The following DMD variants were observed in gnomAD, a reference collection of about 807,000 sequenced individuals.
DMD encodes dystrophin, also known as mutant dystrophin.
A neutral mutation model predicts 330.1 loss-of-function variants in DMD; 63 were observed. That is an observed-to-expected ratio of 0.19 (90% CI 0.16 to 0.24). The LOEUF is 0.24. DMD is among the 10% of genes least tolerant of loss of function. DMD has a pLI of 1.00. For synonymous variants in DMD, 1,223 were observed against 959.8 expected, an observed-to-expected ratio of 1.27 and a Z score of -5.07; for missense variants, 3,344 against 2,684.1, an observed-to-expected ratio of 1.25 and a Z score of -5.43.
intron 33 of DMD, among the ~76,000 whole-genome samples, chrX:32,381,703 G>A (rs971556807): frequency 3.6e-5 from 4 of 111,395 alleles, no homozygotes; most frequent in African/African-American, 1.3e-4. Flanking sequence ...TTACAAGTTA[G>A]AAAATATAAC....
chrX:32,726,930 G>A (rs1005404650), intron 7 of DMD, among the ~76,000 whole-genome samples: 1 of 110,210 alleles, frequency 9.1e-6, no homozygotes, highest in African/African-American at 3.3e-5. Flanking sequence ...GACGATAAAG[G>A]ACACCAAAAG....
At chrX:33,280,765 GCTCT>G (rs1412137054) in intron 1 of DMD, among the ~76,000 whole-genome samples, 1 of 111,558 alleles carries the variant, frequency 9.0e-6, no homozygotes, top group African/African-American at 3.3e-5. Context: ...CTATTTCTGG[GCTCT>G]CTATTCTGTT....
intron 67 of DMD, among the ~76,000 whole-genome samples, chrX:31,183,668 C>T (rs2041405356): frequency 9.1e-6 from 1 of 110,391 alleles, no homozygotes; most frequent in South Asian, 3.9e-4. Flanking sequence ...TTTTTTCAAC[C>T]CTATAGGATT....
chrX:31,264,797 C>T (rs1304289172), intron 62 of DMD, among the ~76,000 whole-genome samples: 1 of 112,234 alleles, frequency 8.9e-6, no homozygotes, highest in African/African-American at 3.2e-5. Context: ...AATTTCCTAC[C>T]ATACAATTTA....
chrX:33,256,605 A>G (rs1035545745), intron 1 of DMD, among the ~76,000 whole-genome samples: 1 of 110,264 alleles, frequency 9.1e-6, no homozygotes, highest in African/African-American at 3.3e-5. Flanking sequence ...TCAACCGAGA[A>G]TGTACACCTG....
At chrX:31,766,322 G>T (rs1260724573) in intron 51 of DMD, among the ~76,000 whole-genome samples, 1 of 109,971 alleles carries the variant, frequency 9.1e-6, no homozygotes, top group African/African-American at 3.3e-5. Context: ...GCAATGGTGT[G>T]ATCTCGGCTC....
intron 61 of DMD, among the ~76,000 whole-genome samples, chrX:31,347,660 T>C (rs770290412): frequency 8.9e-6 from 1 of 112,658 alleles, no homozygotes; most frequent in East Asian, 2.8e-4. Context: ...TTTCACATCT[T>C]TGCTGTTTTA....
intron 1 of DMD, among the ~76,000 whole-genome samples, chrX:33,042,868 A>G (rs2094323710): frequency 9.0e-6 from 1 of 111,698 alleles, no homozygotes; most frequent in Non-Finnish European, 1.9e-5. Flanking sequence ...CAACTCTGAA[A>G]CACACAACTT....
intron 44 of DMD, among the ~76,000 whole-genome samples, chrX:31,987,911 C>T (rs957798987): frequency 7.2e-5 from 8 of 111,816 alleles, no homozygotes; most frequent in Non-Finnish European, 1.3e-4. Context: ...CAGCATTATT[C>T]ACAATAGCCA....
At chrX:32,787,691 C>T (rs777670910) in intron 7 of DMD, among the ~76,000 whole-genome samples, 51 of 105,972 alleles carry the variant, frequency 4.8e-4, no homozygotes, top group African/African-American at 1.7e-3. Flanking sequence ...CTCACCTCTC[C>T]CTGCCCACCC....
In DMD at chrX:31,178,944, G is replaced by C. The variant is rs72466542; in HGVS notation, c.10087-139C>G. ...GTTGTGAGCAAAGGCTTTGGAATCA[G>C]ACAAATGGGGCTCTGAAACCAGGCC... On this transcript the variant is annotated intron_variant, in intron 69 of 78. Coordinates refer to ENST00000357033, the MANE Select transcript of DMD (RefSeq NM_004006.3). 5.1e-3 allele frequency: 3,783 copies of C among 745,870 alleles called. 109 individuals are homozygous for C. In the African/African-American group the frequency reaches 0.066, roughly 13 times the overall value. The allele number at this position is 745,870 out of a possible 1,213,427, so 61.5% of individuals were successfully genotyped here. A position where few individuals can be genotyped will look rare whatever the true frequency, so the allele number is the denominator to read the frequency against.
At chrX:32,962,045 G>C (rs1419000364) in intron 2 of DMD, among the ~76,000 whole-genome samples, 1 of 111,456 alleles carries the variant, frequency 9.0e-6, no homozygotes, top group Non-Finnish European at 1.9e-5. Flanking sequence ...TTCTAGCTGG[G>C]GAAGGCTGAT....
In DMD at chrX:32,573,843, A is replaced by G; in HGVS notation, c.1606T>C (p.Leu536=). 8.3e-7 allele frequency: 1 copy of G among 1,198,899 alleles called. No individual in the cohort carries two copies. The highest frequency in any genetic ancestry group is 1.8e-5 in the South Asian group (1 of 56,520). ...TAALEEQLKV[L]GDRWANICRW... ...CAGATGTTTGCCCATCGATCTCCCA[A>G]TACCTGGAGAAGAGACAATCAAGCA... The change falls in exon 14 of 79, where the codon TTG becomes CTG. Residue 536 remains leucine, a synonymous_variant. Transcript: ENST00000357033.
At chrX:31,564,733 T>A (rs1028479877) in intron 55 of DMD, among the ~76,000 whole-genome samples, 1 of 112,235 alleles carries the variant, frequency 8.9e-6, no homozygotes, top group Non-Finnish European at 1.9e-5. Context: ...GAAAGTTATA[T>A]CAGACTGAAA....
At chrX:31,782,791 G>A (rs1043088300) in intron 50 of DMD, among the ~76,000 whole-genome samples, 3 of 111,305 alleles carry the variant, frequency 2.7e-5, no homozygotes, top group East Asian at 5.7e-4. Context: ...TGGAAAAGAC[G>A]GAGTCTTTAA....
intron 44 of DMD, among the ~76,000 whole-genome samples, chrX:32,112,096 C>A (rs1176088607): frequency 9.0e-6 from 1 of 111,290 alleles, no homozygotes; most frequent in Non-Finnish European, 1.9e-5. Flanking sequence ...GTGTACTACG[C>A]CCTGAAGTCA....
At chrX:32,858,490 C>T (rs192752505) in intron 2 of DMD, among the ~76,000 whole-genome samples, 1 of 111,108 alleles carries the variant, frequency 9.0e-6, no homozygotes, top group East Asian at 2.8e-4. Flanking sequence ...TCATCACGTC[C>T]AGCTCAGTTT....
chrX:32,702,848 G>T (rs759448702), intron 7 of DMD, among the ~76,000 whole-genome samples: 1 of 111,364 alleles, frequency 9.0e-6, no homozygotes, highest in Admixed American at 9.6e-5. Flanking sequence ...TATATACAAA[G>T]TTATGTGCTA....
At chrX:31,166,936 T>C (rs927678788) in intron 74 of DMD, among the ~76,000 whole-genome samples, 1 of 111,739 alleles carries the variant, frequency 8.9e-6, no homozygotes, top group Admixed American at 9.5e-5. Context: ...GTGTTATGTT[T>C]TTTGTTCTTT....
Sources: gnomAD v4.1 joint callset for allele counts (sites outside exome capture counted in the v4.1 genomes callset) on GRCh38, gnomAD v4.1.1 for gene constraint, MANE v1.5 for transcripts, NCBI Gene and HGNC (gene_info 2026-07-23, HGNC 2026-07-21) for gene names.